Variants in STOML3 observed in about 807,000 individuals in gnomAD.
STOML3 encodes the protein stomatin-like protein 3.
In STOML3, 31 loss-of-function variants were observed where a neutral mutation model predicts 29.5. That is an observed-to-expected ratio of 1.05 (90% CI 0.79 to 1.42). STOML3 has a LOEUF of 1.42. STOML3 is among the 40% of genes most tolerant of loss of function. The probability of loss-of-function intolerance (pLI) is 0.00; values close to 1 mark genes in which losing one functional copy is unlikely to be tolerated. For synonymous variants in STOML3, 122 were observed against 139.8 expected (o/e 0.87, Z 0.90); for missense variants, 380 against 363.0 (o/e 1.05, Z -0.38).
intron 1 of STOML3, among the ~76,000 whole-genome samples, chr13:38,988,193 A>C (rs1203723406): frequency 1.5e-5 from 1 of 67,046 alleles, no homozygotes; most frequent in Non-Finnish European, 2.3e-5. Flanking sequence ...TATAAAATAT[A>C]TTATATTTCA....
chr13:38,971,104 C>T (rs930882234), intron 4 of STOML3, among the ~76,000 whole-genome samples: 2 of 152,068 alleles, frequency 1.3e-5, no homozygotes, highest in Admixed American at 1.3e-4. Flanking sequence ...GCAATCTCTG[C>T]TCACTGCAAC....
intron 1 of STOML3, among the ~76,000 whole-genome samples, chr13:38,978,725 C>A (rs1881178721): frequency 6.6e-6 from 1 of 152,162 alleles, no homozygotes; most frequent in South Asian, 2.1e-4. Flanking sequence ...AATGATACTA[C>A]CTCAAATCCA....
chr13:38,978,736 T>G (rs1008724508), intron 1 of STOML3, among the ~76,000 whole-genome samples: 1 of 152,130 alleles, frequency 6.6e-6, no homozygotes, highest in African/African-American at 2.4e-5. Flanking sequence ...CTCAAATCCA[T>G]CCCCAGTTAC....
intron 1 of STOML3, among the ~76,000 whole-genome samples, chr13:38,986,808 T>C (rs1204340065): frequency 6.6e-6 from 1 of 152,110 alleles, no homozygotes; most frequent in Non-Finnish European, 1.5e-5. Context: ...CTAAACCAGC[T>C]CACAGGAGCT....
Position 38,976,474 on chromosome 13 carries a change from T to C in STOML3, c.229+66A>G. The C allele has an allele frequency of 1.9e-6, 3 of 1,570,414 alleles. No homozygotes were observed. The Admixed American group carries it at 5.2e-5, about 27-fold the overall frequency. ...CAATAGGCACCACCAGGAAAAATAT[T>C]GAAGGTGGTAGCAGTAGTATTAGGT... On this transcript the variant is annotated intron_variant, in intron 3 of 6. Transcript: ENST00000379631.
At chr13:38,983,560 C>A (rs1281366011) in intron 1 of STOML3, among the ~76,000 whole-genome samples, 1 of 152,170 alleles carries the variant, frequency 6.6e-6, no homozygotes, top group Non-Finnish European at 1.5e-5. Context: ...CCCTTGAGGG[C>A]TTCTACTGGC....
intron 1 of STOML3, among the ~76,000 whole-genome samples, chr13:38,987,578 A>G (rs1472578497): frequency 6.7e-6 from 1 of 149,572 alleles, no homozygotes; most frequent in Non-Finnish European, 1.5e-5. Flanking sequence ...AGTTATTTAT[A>G]TATTAAATAA....
intron 5 of STOML3, 50 bp from the exon 6 acceptor site, chr13:38,968,584 T>C: frequency 1.2e-6 from 2 of 1,600,134 alleles, no homozygotes; most frequent in Non-Finnish European, 1.7e-6. Context: ...GGTGATATGA[T>C]GTATGTTTCT....
chr13:38,988,540 T>TA (rs1868819389), intron 1 of STOML3, among the ~76,000 whole-genome samples: 1 of 127,662 alleles, frequency 7.8e-6, no homozygotes, highest in Non-Finnish European at 1.6e-5. Flanking sequence ...TATAATATAT[T>TA]TTATATCATA....
At chr13:38,981,738 G>A (rs910129135) in intron 1 of STOML3, among the ~76,000 whole-genome samples, 1 of 152,062 alleles carries the variant, frequency 6.6e-6, no homozygotes, top group Non-Finnish European at 1.5e-5. Context: ...GCAGCTACCA[G>A]AATAGTAAAC....
rs1037123097 is a variant in STOML3 at position 38,966,339 on chromosome 13, T to C, written c.*486A>G. The C allele has an allele frequency of 6.5e-6, 1 of 152,904 alleles. No individual in the cohort carries two copies. The allele number at this position is 152,904 out of a possible 1,614,324, so 9.5% of individuals were successfully genotyped here. A position where few individuals can be genotyped will look rare whatever the true frequency, so the allele number is the denominator to read the frequency against. ...ACTTCTTTTGTTCTTAACATCAAAA[T>C]CAATCTCTGTTTTCAGCATTGTGGG... is the stretch of plus-strand genomic sequence containing the variant. On this transcript the variant is annotated 3_prime_UTR_variant, in exon 7 of 7. Transcript: ENST00000379631.
chr13:38,984,338 C>T (rs574548383), intron 1 of STOML3, among the ~76,000 whole-genome samples: 1 of 152,274 alleles, frequency 6.6e-6, no homozygotes, highest in African/African-American at 2.4e-5. Context: ...TTTTCCTCAG[C>T]AGGCCTCAGC....
At chr13:38,986,041 T>A (rs1282003561) in intron 1 of STOML3, among the ~76,000 whole-genome samples, 1 of 147,736 alleles carries the variant, frequency 6.8e-6, no homozygotes, top group Non-Finnish European at 1.5e-5. Flanking sequence ...CCTGGTTTTT[T>A]TTTTTTTTTT....
intron 4 of STOML3, among the ~76,000 whole-genome samples, chr13:38,971,836 A>C (rs945755865): frequency 5.3e-5 from 8 of 152,122 alleles, no homozygotes; most frequent in African/African-American, 1.9e-4. Flanking sequence ...GAGGCAGGAG[A>C]ATCACTTGAA....
intron 1 of STOML3, among the ~76,000 whole-genome samples, chr13:38,987,683 T>C (rs1267186692): frequency 5.1e-5 from 7 of 137,950 alleles, no homozygotes; most frequent in Non-Finnish European, 6.1e-5. Flanking sequence ...ATATATATTA[T>C]ATATACTAAT....
At chr13:38,973,131 A>G (rs1027927517) in intron 3 of STOML3, among the ~76,000 whole-genome samples, 3 of 143,144 alleles carry the variant, frequency 2.1e-5, no homozygotes, top group Admixed American at 7.1e-5. Flanking sequence ...AAAAAAAAAA[A>G]ATTATCTGGG....
chr13:38,967,160 ATG>A (rs1284661315), intron 6 of STOML3, 111 bp from the exon 7 acceptor site: 3 of 915,824 alleles, frequency 3.3e-6, no homozygotes, highest in African/African-American at 3.4e-5. Context: ...ATGTTGCCAC[ATG>A]TGTTTCATCT....
chr13:38,984,026 C>A lies in STOML3; in HGVS notation c.52+6644G>T, dbSNP rs866256073. Reference sequence around the variant, plus strand: ...CTTCAGGCCCTGGAGGCATCCCCCCCCACAGCAGCTTCCTCATGCTGAATA... The same window carrying A: ...CTTCAGGCCCTGGAGGCATCCCCCCACACAGCAGCTTCCTCATGCTGAATA... On this transcript the variant is annotated intron_variant, in intron 1 of 6. Transcript: ENST00000379631. Among the ~76,000 whole-genome samples, 58 of 152,254 alleles carry A rather than the reference C, an allele frequency of 3.8e-4. 1 individual carries two copies. Among genetic ancestry groups the A allele is most frequent in the South Asian group, 1.2e-3 (6 of 4,822 alleles).
At position 38,969,063 on chromosome 13, in the gene STOML3, C is replaced by A. The variant is rs1593496851; in HGVS notation, c.517-529G>T. Among the ~76,000 whole-genome samples, 3 of 152,244 alleles carry A rather than the reference C, an allele frequency of 2.0e-5. No individual in the cohort carries two copies. The East Asian group carries it at 5.8e-4, about 29-fold the overall frequency. ...AATACATATAAGATATCTCTCAGTA[C>A]CCAGCAATGACTCAATGCATATTAT... On this transcript the variant is annotated intron_variant, in intron 5 of 6. Coordinates refer to ENST00000379631, the MANE Select transcript of STOML3 (RefSeq NM_145286.3).
Sources: gnomAD v4.1 joint callset for allele counts (sites outside exome capture counted in the v4.1 genomes callset) on GRCh38, gnomAD v4.1.1 for gene constraint, MANE v1.5 for transcripts, NCBI Gene and HGNC (gene_info 2026-07-23, HGNC 2026-07-21) for gene names.